AMPD2: variants seen among roughly 807,000 people sequenced by gnomAD.
AMPD2 encodes the protein AMP deaminase 2.
A neutral mutation model predicts 91.3 loss-of-function variants in AMPD2; 52 were observed. That is an observed-to-expected ratio of 0.57 (90% CI 0.46 to 0.72). The LOEUF is 0.72. Among genes scored for constraint, AMPD2 ranks in the 30% least tolerant of loss-of-function variants. AMPD2 has a pLI of 0.00. For synonymous variants in AMPD2, 455 were observed against 456.4 expected, an observed-to-expected ratio of 1.00 and a Z score of 0.04; for missense variants, 822 against 1,122.3, an observed-to-expected ratio of 0.73 and a Z score of 3.82.
chr1:109,624,892 G>A lies in AMPD2; in HGVS notation c.92-411G>A, dbSNP rs929271910. Among the ~76,000 whole-genome samples, 1 of 152,146 alleles carries A rather than the reference G, an allele frequency of 6.6e-6. No homozygotes were observed. Among genetic ancestry groups the A allele is most frequent in the African/African-American group, 2.4e-5 (1 of 41,418 alleles). Reference sequence around the variant, plus strand: ...CTGGGGGTCCCTGGTGTGGCCGCCTGGTCCTTACCAAGCACCTGGTGTGTG... The same window carrying A: ...CTGGGGGTCCCTGGTGTGGCCGCCTAGTCCTTACCAAGCACCTGGTGTGTG... On this transcript the variant is annotated intron_variant, in intron 2 of 18. Coordinates refer to ENST00000528667, the MANE Select transcript of AMPD2 (RefSeq NM_001368809.2). This position sits in a 1 kb window ranked among gnomAD's most constrained non-coding sequence, Gnocchi z 5.2.
intron 1 of AMPD2, 23 bp from the exon 2 acceptor site, chr1:109,620,891 A>T (rs918909680): frequency 7.0e-7 from 1 of 1,422,050 alleles, no homozygotes; most frequent in Non-Finnish European, 9.2e-7. Context: ...TTTTCTACCC[A>T]CCCCCTCCCC....
rs759996831 is a variant in AMPD2, at chr1:109,627,516, C to T, written c.948C>T (p.Pro316=). The T allele has an allele frequency of 4.3e-6, 7 of 1,613,902 alleles. No individual in the cohort carries two copies. Among genetic ancestry groups the T allele is most frequent in the Admixed American group, 1.7e-5 (1 of 60,002 alleles). The change falls in exon 9 of 19, where the codon CCC becomes CCT. Residue 316 remains proline (P), a splice_region_variant and synonymous_variant. Transcript: ENST00000528667. ...TGATGGCCCTGATTATCAATGGCCCCATGTGAGTCCCCTGCCATCCCAGAC... is the reference window on the plus strand; with the variant it reads ...TGATGGCCCTGATTATCAATGGCCCTATGTGAGTCCCCTGCCATCCCAGAC... The part of the protein sequence containing the change: ...NVLMALIING[P]IKSFCYRRLQ...
At position 109,625,991 on chromosome 1, in the gene AMPD2, G is replaced by C. The variant is rs1489759863; in HGVS notation, c.354-169G>C. 8.9e-7 allele frequency: 1 copy of C among 1,124,768 alleles called. No homozygotes were observed. The highest frequency in any genetic ancestry group is 1.3e-6 in the Non-Finnish European group (1 of 779,084). 69.7% of individuals were successfully genotyped at this position (1,124,768 alleles called of 1,614,324 possible). A position where few individuals can be genotyped will look rare whatever the true frequency, so the allele number is the denominator to read the frequency against. On this transcript the variant is annotated intron_variant, in intron 4 of 18. Coordinates refer to ENST00000528667, the MANE Select transcript of AMPD2 (RefSeq NM_001368809.2). This position sits in a 1 kb window ranked among gnomAD's most constrained non-coding sequence, Gnocchi z 4.0. ...GCTGGGTCATGTTGCTTAACTTATG[G>C]GTCTGCTTTCTCATCTCTAAAGTGA...
intron 6 of AMPD2, 126 bp from the exon 7 acceptor site, chr1:109,626,600 A>T (rs567910976): frequency 1.9e-5 from 26 of 1,384,836 alleles, no homozygotes; most frequent in Non-Finnish European, 2.6e-5. Flanking sequence ...GACCAGGGTG[A>T]TCTGAGTGTT....
At position 109,631,679 on chromosome 1, in the gene AMPD2, G is replaced by C; in HGVS notation, c.*527G>C. On this transcript the variant is annotated 3_prime_UTR_variant, in exon 19 of 19. Coordinates refer to ENST00000528667, the MANE Select transcript of AMPD2 (RefSeq NM_001368809.2). ...AGCTGGGCCTAGAGCTCAGTCACAG[G>C]CCTGGGCTTCCTGGCCTGAGTGGGT... 1 of 168,658 alleles carries C rather than the reference G, an allele frequency of 5.9e-6. No homozygotes were observed. Among genetic ancestry groups the C allele is most frequent in the Non-Finnish European group, 1.3e-5 (1 of 76,636 alleles). 10.4% of individuals were successfully genotyped at this position (168,658 alleles called of 1,614,324 possible). A position where few individuals can be genotyped will look rare whatever the true frequency, so the allele number is the denominator to read the frequency against.
chr1:109,627,911 C>A lies in AMPD2; in HGVS notation c.1080+8C>A. On this transcript the variant is annotated splice_region_variant and intron_variant, in intron 10 of 18. Coordinates refer to ENST00000528667, the MANE Select transcript of AMPD2 (RefSeq NM_001368809.2). ...TTCTACAACATCCGCAAGGTGGGCC[C>A]TCACCCCGTGGCCGTCTCCATGTCC... The A allele has an allele frequency of 6.2e-7, 1 of 1,613,982 alleles. No homozygotes were observed. Among genetic ancestry groups the A allele is most frequent in the Non-Finnish European group, 8.5e-7 (1 of 1,179,956 alleles).
In AMPD2 at chr1:109,625,978, T is replaced by G. The variant is rs868501220; in HGVS notation, c.354-182T>G. 2.2e-5 allele frequency: 25 copies of G among 1,157,198 alleles called. No individual in the cohort carries two copies. In the African/African-American group the frequency reaches 3.5e-4, roughly 16 times the overall value. The allele number at this position is 1,157,198 out of a possible 1,614,324, so 71.7% of individuals were successfully genotyped here. ...AGCCGCCGGTGTGGCTGGGTCATGT[T>G]GCTTAACTTATGGGTCTGCTTTCTC... On this transcript the variant is annotated intron_variant, in intron 4 of 18. Transcript: ENST00000528667. This position sits in a 1 kb window ranked among gnomAD's most constrained non-coding sequence, Gnocchi z 4.0.
rs140546868 is a variant in AMPD2 at position 109,629,890 on chromosome 1, A to G, written c.1957A>G (p.Ile653Val). Reference protein sequence around the residue: ...LVSAFMLAENISHGLLLRKAP... With the variant: ...LVSAFMLAENVSHGLLLRKAP... ...GTCAGCCTTCATGCTGGCTGAGAACATTTCCCACGGGCTCCTTCTGCGCAA... is the reference window on the plus strand; with the variant it reads ...GTCAGCCTTCATGCTGGCTGAGAACGTTTCCCACGGGCTCCTTCTGCGCAA... Residue 653 changes from isoleucine to valine, a missense_variant, in exon 16 of 19, where the codon ATT becomes GTT. This residue lies in a region of AMPD2 where 430 missense variants were observed against 606.0 expected (regional missense o/e 0.71). Coordinates refer to ENST00000528667, the MANE Select transcript of AMPD2 (RefSeq NM_001368809.2). 32 of 1,610,906 alleles carry G rather than the reference A, an allele frequency of 2.0e-5. No individual in the cohort carries two copies. Among genetic ancestry groups the G allele is most frequent in the Non-Finnish European group, 2.6e-5 (31 of 1,178,144 alleles).
At chr1:109,620,696 G>A (rs1469388997) in intron 1 of AMPD2, 40 of 1,215,546 alleles carry the variant, frequency 3.3e-5, no homozygotes, top group Non-Finnish European at 4.1e-5. Context: ...TGCCCCGGGA[G>A]GACTGTGTTT....
At position 109,628,709 on chromosome 1, in the gene AMPD2, C is replaced by T. The variant is rs1333072178; in HGVS notation, c.1474C>T (p.Arg492Cys). Residue 492 changes from arginine to cysteine, a missense_variant, in exon 13 of 19, where the codon CGC becomes TGC. By Grantham distance (180) the Arg-to-Cys change is radical. This residue lies in a region of AMPD2 where 430 missense variants were observed against 606.0 expected (regional missense o/e 0.71). Transcript: ENST00000528667. The surrounding 1 kb of genome is among the most constrained non-coding windows in gnomAD (Gnocchi z 7.1). Reference protein sequence around the residue: ...NAELRLSIYGRSRDEWDKLAR... With the variant: ...NAELRLSIYGCSRDEWDKLAR... The stretch of plus-strand genomic sequence containing the variant: ...AGAGCTGCGGCTCTCCATTTACGGG[C>T]GCTCGAGGGATGAGTGGGACAAGCT... The T allele has an allele frequency of 2.5e-6, 4 of 1,613,114 alleles. No homozygotes were observed. Among genetic ancestry groups the T allele is most frequent in the African/African-American group, 1.3e-5 (1 of 75,034 alleles).
intron 6 of AMPD2, 94 bp downstream of exon 6, chr1:109,626,521 C>T (rs1650701349): frequency 2.8e-5 from 38 of 1,354,420 alleles, no homozygotes; most frequent in East Asian, 2.0e-4. Context: ...CTGGAAAGGG[C>T]GTTTCTCTTT....
chr1:109,621,399 T>G, intron 2 of AMPD2, 133 bp downstream of exon 2: 7 of 479,108 alleles, frequency 1.5e-5, no homozygotes, highest in Admixed American at 3.1e-5. Context: ...TCAACCTCAG[T>G]CCCAGGGACA....
intron 15 of AMPD2, 79 bp downstream of exon 15, chr1:109,629,569 C>A: frequency 6.4e-7 from 1 of 1,553,454 alleles, no homozygotes; most frequent in South Asian, 1.2e-5. Flanking sequence ...TGGGCCAGGG[C>A]CACTAGACCT....
chr1:109,620,424 C>A, intron 1 of AMPD2, 146 bp downstream of exon 1: 1 of 1,365,732 alleles, frequency 7.3e-7, no homozygotes, highest in Non-Finnish European at 1.0e-6. Context: ...GGGAGCAGAG[C>A]CAGAGTGTGC....
Position 109,626,898 on chromosome 1 carries a change from C to T in AMPD2, c.704C>T (p.Thr235Ile), listed in dbSNP as rs1348229397. The change falls in exon 7 of 19, where the codon ACC becomes ATC. Residue 235 changes from threonine to isoleucine, a missense_variant. Coordinates refer to ENST00000528667, the MANE Select transcript of AMPD2 (RefSeq NM_001368809.2). Reference protein sequence around the residue: ...ETRTYEQGPDTPVSADAPVHP... With the variant: ...ETRTYEQGPDIPVSADAPVHP... ...CGGACCTATGAACAGGGCCCCGACACCCCTGTGTCTGCTGGTGGGACTCCC... is the reference window on the plus strand; with the variant it reads ...CGGACCTATGAACAGGGCCCCGACATCCCTGTGTCTGCTGGTGGGACTCCC... The T allele has an allele frequency of 6.2e-7, 1 of 1,612,840 alleles. No homozygotes were observed. The highest frequency in any genetic ancestry group is 1.7e-5 in the Admixed American group (1 of 59,934).
chr1:109,630,654 A>G (rs1651155546), intron 17 of AMPD2, 29 bp from the exon 18 acceptor site: 22 of 1,591,302 alleles, frequency 1.4e-5, no homozygotes, highest in East Asian at 2.3e-5. Flanking sequence ...GCCAGGGCGC[A>G]CTCGTCTGAG....
chr1:109,627,189 C>T lies in AMPD2; in HGVS notation c.733C>T (p.Pro245Ser), dbSNP rs772057171. The T allele has an allele frequency of 6.2e-7, 1 of 1,613,320 alleles. No individual in the cohort carries two copies. ...TPVSADAPVHPPALEQHPYEH... is the reference protein window; with the variant it reads ...TPVSADAPVHSPALEQHPYEH... ...CACCCCTGCAGATGCCCCGGTGCAC[C>T]CCCCTGCGCTGGAGCAGCACCCGTA... Residue 245 changes from proline to serine, a missense_variant, in exon 8 of 19, where the codon CCC (proline) becomes TCC (serine). By Grantham distance (74) the Pro-to-Ser change is moderately conservative. Coordinates refer to ENST00000528667, the MANE Select transcript of AMPD2 (RefSeq NM_001368809.2).
rs772780388 is a variant in AMPD2 at position 109,626,951 on chromosome 1, G to A, written c.718+39G>A. 4 of 1,586,718 alleles carry A rather than the reference G, an allele frequency of 2.5e-6. No individual in the cohort carries two copies. In the South Asian group the frequency reaches 4.5e-5, roughly 18 times the overall value. On this transcript the variant is annotated intron_variant, in intron 7 of 18. Transcript: ENST00000528667. ...TCTCTGCCCCATGCCATGTGCCCTAGCCTCCTGGGCTTCTCAGCCTGGTGC... is the reference window on the plus strand; with the variant it reads ...TCTCTGCCCCATGCCATGTGCCCTAACCTCCTGGGCTTCTCAGCCTGGTGC...
Position 109,630,923 on chromosome 1 carries a change from A to G in AMPD2, c.2269-20A>G, listed in dbSNP as rs1651197910. ...CTCAGCACTGGCTGCAGCCCTGCCC[A>G]TTACCCCCGCTCCTTGCAGGTAAAG... On this transcript the variant is annotated intron_variant, in intron 18 of 18. Transcript: ENST00000528667. 3 of 1,613,218 alleles carry G rather than the reference A, an allele frequency of 1.9e-6. No individual in the cohort carries two copies. Among genetic ancestry groups the G allele is most frequent in the Non-Finnish European group, 2.5e-6 (3 of 1,179,728 alleles).
Sources: gnomAD v4.1 joint callset for allele counts (sites outside exome capture counted in the v4.1 genomes callset) on GRCh38, gnomAD v4.1.1 for gene constraint, gnomAD v4.1.1 regional missense constraint, Gnocchi (gnomAD v3.1) non-coding constraint, MANE v1.5 for transcripts, NCBI Gene and HGNC (gene_info 2026-07-23, HGNC 2026-07-21) for gene names.